Variants in NBEA observed in about 807,000 individuals in gnomAD.
The protein encoded by NBEA is neurobeachin.
In NBEA, 44 loss-of-function variants were observed where a neutral mutation model predicts 343.4. The observed-to-expected ratio is 0.13, with a 90% CI of 0.10 to 0.16. The LOEUF is 0.16. Among genes scored for constraint, NBEA ranks in the 10% least tolerant of loss-of-function variants. The pLI, the probability that NBEA is intolerant of heterozygous loss-of-function variation, is 1.00. For missense variants in NBEA, 2,555 were observed against 3,631.3 expected, an observed-to-expected ratio of 0.70 and a Z score of 7.62; for synonymous variants, 1,175 against 1,238.7, an observed-to-expected ratio of 0.95 and a Z score of 1.08.
chr13:35,259,035 T>C (rs1196949995), intron 34 of NBEA, among the ~76,000 whole-genome samples: 2 of 152,202 alleles, frequency 1.3e-5, no homozygotes, highest in Non-Finnish European at 2.9e-5. Flanking sequence ...CAACTTACAG[T>C]GGGCTTATCA....
chr13:35,649,543 C>G, intron 51 of NBEA, 112 bp from the exon 52 acceptor site: 1 of 882,558 alleles, frequency 1.1e-6, no homozygotes, highest in South Asian at 1.7e-5. Context: ...GCTTTTCCTC[C>G]TTGTGTGTGC....
At chr13:35,163,243 G>A (rs980013589) in intron 23 of NBEA, among the ~76,000 whole-genome samples, 2 of 152,014 alleles carry the variant, frequency 1.3e-5, no homozygotes, top group Non-Finnish European at 2.9e-5. Context: ...GAAACATCTT[G>A]AAATTTAAGA....
chr13:35,225,625 G>C (rs2074610036), intron 33 of NBEA, among the ~76,000 whole-genome samples: 1 of 152,112 alleles, frequency 6.6e-6, no homozygotes, highest in African/African-American at 2.4e-5. Context: ...TGTGTCTATA[G>C]CTCTGGGGGT....
intron 35 of NBEA, among the ~76,000 whole-genome samples, chr13:35,306,705 T>C (rs960012847): frequency 7.2e-5 from 11 of 152,068 alleles, no homozygotes; most frequent in African/African-American, 2.2e-4. Context: ...TCCTTTCTCT[T>C]TCTGTTTTCC....
intron 4 of NBEA, among the ~76,000 whole-genome samples, chr13:35,047,298 TC>T (rs2062894970): frequency 6.6e-6 from 1 of 151,846 alleles, no homozygotes; most frequent in Non-Finnish European, 1.5e-5. Context: ...ACCTGCATCT[TC>T]AGTCATTATG....
intron 49 of NBEA, among the ~76,000 whole-genome samples, chr13:35,643,875 C>A (rs2084089439): frequency 6.6e-6 from 1 of 152,130 alleles, no homozygotes; most frequent in South Asian, 2.1e-4. Context: ...ATTCACAGGA[C>A]CTGCACACTT....
chr13:35,161,600 C>T, intron 22 of NBEA, 150 bp from the exon 23 acceptor site: 1 of 704,462 alleles, frequency 1.4e-6, no homozygotes, highest in Non-Finnish European at 2.2e-6. Flanking sequence ...CAAGGAATTA[C>T]CAGGTGAATA....
At chr13:34,989,642 G>A (rs2060680148) in intron 1 of NBEA, among the ~76,000 whole-genome samples, 1 of 150,752 alleles carries the variant, frequency 6.6e-6, no homozygotes, top group South Asian at 2.1e-4. Flanking sequence ...GGGACACAGA[G>A]CCAAACTATA....
At chr13:35,475,235 C>T in intron 41 of NBEA, 2 of 1,613,848 alleles carry the variant, frequency 1.2e-6, no homozygotes, top group Non-Finnish European at 1.7e-6. Flanking sequence ...AGCAAAATCC[C>T]GTTCAGCCGA....
Position 35,412,039 on chromosome 13 carries a change from C to G in NBEA, c.6180-20230C>G, listed in dbSNP as rs150354508. Among the ~76,000 whole-genome samples the G allele has an allele frequency of 4.2e-3, 632 of 152,106 alleles. 4 individuals are homozygous for G. Among genetic ancestry groups the G allele is most frequent in the African/African-American group, 0.015 (610 of 41,498 alleles). ...ACTGATGTCTTACCCTTCTTAGTGC[C>G]TTAAACTATATCCTGTTCAGACATG... On this transcript the variant is annotated intron_variant, in intron 38 of 58. Transcript: ENST00000379939.
At chr13:35,632,720 A>G (rs1460756477) in intron 49 of NBEA, among the ~76,000 whole-genome samples, 1 of 151,912 alleles carries the variant, frequency 6.6e-6, no homozygotes, top group Non-Finnish European at 1.5e-5. Context: ...CAGCCTCCCA[A>G]GTAACTGAGA....
At chr13:35,045,707 TTTTTGTTTTG>T (rs57585958) in intron 4 of NBEA, among the ~76,000 whole-genome samples, 78 of 150,878 alleles carry the variant, frequency 5.2e-4, no homozygotes, top group South Asian at 1.5e-3. Context: ...TATACAGTGT[TTTTTGTTTTG>T]TTTTGTTTTG....
chr13:35,171,090 G>A (rs1364888224), intron 25 of NBEA, 182 bp from the exon 26 acceptor site: 4 of 731,252 alleles, frequency 5.5e-6, no homozygotes, highest in South Asian at 1.4e-5. Flanking sequence ...ATAATTGATA[G>A]GTAAAGTAAC....
Position 35,380,005 on chromosome 13 carries a change from A to G in NBEA, c.6179+27682A>G, listed in dbSNP as rs115563519. Among the ~76,000 whole-genome samples, 1,422 of 152,238 alleles carry G rather than the reference A, an allele frequency of 9.3e-3. 23 individuals carry two copies. Among genetic ancestry groups the G allele is most frequent in the African/African-American group, 0.033 (1,351 of 41,538 alleles). ...AATCAGCATGCCAATTTCTGCAAAT[A>G]AGTGTTAGGATTTTGATTGGGATTG... On this transcript the variant is annotated intron_variant, in intron 38 of 58. Coordinates refer to ENST00000379939, the MANE Select transcript of NBEA (RefSeq NM_001385012.1).
chr13:35,038,558 A>G (rs2062534619), intron 1 of NBEA, among the ~76,000 whole-genome samples: 1 of 152,114 alleles, frequency 6.6e-6, no homozygotes, highest in African/African-American at 2.4e-5. Flanking sequence ...TCAGGACCCA[A>G]GGGCTCTTCA....
At chr13:35,624,214 G>T (rs375948112) in intron 48 of NBEA, among the ~76,000 whole-genome samples, 1 of 152,014 alleles carries the variant, frequency 6.6e-6, no homozygotes, top group African/African-American at 2.4e-5. Context: ...AAAGTTGTAG[G>T]TGTAACTACT....
intron 38 of NBEA, among the ~76,000 whole-genome samples, chr13:35,365,080 G>A (rs1659730494): frequency 6.6e-6 from 1 of 151,602 alleles, no homozygotes; most frequent in African/African-American, 2.4e-5. Flanking sequence ...TTGACATGAA[G>A]GAAATTAGGC....
chr13:35,349,409 C>T (rs1251504996), intron 37 of NBEA, among the ~76,000 whole-genome samples, 193 bp downstream of exon 37: 3 of 152,066 alleles, frequency 2.0e-5, no homozygotes, highest in African/African-American at 7.2e-5. Context: ...AGCATGAAAA[C>T]ATTCCTTCTG....
At chr13:35,489,384 G>A (rs982884978) in intron 41 of NBEA, among the ~76,000 whole-genome samples, 8 of 151,802 alleles carry the variant, frequency 5.3e-5, no homozygotes, top group African/African-American at 1.9e-4. Flanking sequence ...ACTCTATTGT[G>A]TATCAGTCCC....
Sources: allele counts gnomAD v4.1 joint callset (sites outside exome capture counted in the v4.1 genomes callset), GRCh38; gene constraint gnomAD v4.1.1; transcripts MANE v1.5; gene names NCBI Gene and HGNC (gene_info 2026-07-23, HGNC 2026-07-21).